Variants in CTU1 observed in about 807,000 individuals in gnomAD.
CTU1 encodes cytoplasmic tRNA 2-thiolation protein 1.
A neutral mutation model predicts 12.9 loss-of-function variants in CTU1; 15 were observed. The ratio of observed to expected loss-of-function variants is 1.16; its 90% CI spans 0.78 to 1.79. The LOEUF (loss-of-function observed/expected upper bound fraction) is 1.79, where lower values mean the gene tolerates loss of function less well. CTU1 is among the 40% of genes most tolerant of loss of function. The pLI is 0.00. For missense variants in CTU1, 553 were observed against 550.5 expected (o/e 1.00, Z -0.05); for synonymous variants, 295 against 275.6 (o/e 1.07, Z -0.70).
rs1020842210 is a variant in CTU1, at chr19:51,108,007, T to A, written c.-22+340A>T. Among the ~76,000 whole-genome samples, 2 of 151,964 alleles carry A rather than the reference T, an allele frequency of 1.3e-5. No homozygotes were observed. The highest frequency in any genetic ancestry group is 2.9e-5 in the Non-Finnish European group (2 of 68,018). ...ATCTGTAGGATGAGGGAATAATAAG[T>A]GCTCCCAGAAGAGAGGCCGCGGACC... On this transcript the variant is annotated intron_variant, in intron 1 of 2. Coordinates refer to ENST00000421832, the MANE Select transcript of CTU1 (RefSeq NM_145232.4). The surrounding 1 kb of genome is among the most constrained non-coding windows in gnomAD (Gnocchi z 4.5).
chr19:51,104,171 G>A lies in CTU1; in HGVS notation c.399C>T (p.Ser133=). 3 of 1,522,378 alleles carry A rather than the reference G, an allele frequency of 2.0e-6. No individual in the cohort carries two copies. Among genetic ancestry groups the A allele is most frequent in the Non-Finnish European group, 2.6e-6 (3 of 1,141,952 alleles). 94.3% of individuals were successfully genotyped at this position (1,522,378 alleles called of 1,614,324 possible). ...AGCGGCTGCGGCCGGAGCCGGCTGT[G>A]CTGCGGGCCACGGCGTCCATCGTCC... is the stretch of plus-strand genomic sequence containing the variant. ...GGWTMDAVAR[S]TAGSGRSRSC... is the part of the protein sequence containing the mutation. Residue 133 remains serine (S), a synonymous_variant, in exon 2 of 3, where the codon AGC becomes AGT. Transcript: ENST00000421832.
chr19:51,104,462 G>C lies in CTU1; in HGVS notation c.108C>G (p.Ala36=), dbSNP rs1380496512. The C allele has an allele frequency of 1.5e-6, 2 of 1,303,500 alleles. No individual in the cohort carries two copies. Among genetic ancestry groups the C allele is most frequent in the Admixed American group, 4.0e-5 (1 of 25,312 alleles). The allele number at this position is 1,303,500 out of a possible 1,614,324, so 80.7% of individuals were successfully genotyped here. ...CGGCGAGCACCGTGTGCAGCACCTC[G>C]GCCTCGAAGGCGGCGCAGAAGCAGG... ...CGACFCAAFE[A]EVLHTVLAGR... is the part of the protein sequence containing the mutation. Residue 36 remains alanine (A), a synonymous_variant, in exon 2 of 3, where the codon GCC becomes GCG. Coordinates refer to ENST00000421832, the MANE Select transcript of CTU1 (RefSeq NM_145232.4).
chr19:51,100,687 G>A (rs1411933881), intron 2 of CTU1, among the ~76,000 whole-genome samples: 1 of 152,128 alleles, frequency 6.6e-6, no homozygotes, highest in Non-Finnish European at 1.5e-5. Flanking sequence ...CAAGGAAATG[G>A]ACCCCCTTGC....
intron 1 of CTU1, among the ~76,000 whole-genome samples, chr19:51,105,718 C>G (rs1424347772): frequency 2.0e-5 from 3 of 152,330 alleles, no homozygotes; most frequent in South Asian, 4.1e-4. Flanking sequence ...TCTAACCCAG[C>G]GTGCTTCTCC....
chr19:51,100,725 C>T (rs1403332049), intron 2 of CTU1, among the ~76,000 whole-genome samples: 1 of 152,174 alleles, frequency 6.6e-6, no homozygotes, highest in Non-Finnish European at 1.5e-5. Flanking sequence ...AAAGGCAGCA[C>T]TCTTGACACT....
rs781417808 is a variant in CTU1 at position 51,099,029 on chromosome 19, G to A, written c.619C>T (p.Leu207=). 2.0e-6 allele frequency: 3 copies of A among 1,512,572 alleles called. No homozygotes were observed. Among genetic ancestry groups the A allele is most frequent in the East Asian group, 5.2e-5 (2 of 38,756 alleles). The allele number at this position is 1,512,572 out of a possible 1,614,324, so 93.7% of individuals were successfully genotyped here. A position where few individuals can be genotyped will look rare whatever the true frequency, so the allele number is the denominator to read the frequency against. ...GLGSPGEGGA[L]PRCRPLQFAS... Reference sequence around the variant, plus strand: ...AACTGCAGCGGGCGGCAGCGCGGCAGGGCGCCCCCCTCGCCGGGAGAGCCC... The same window carrying A: ...AACTGCAGCGGGCGGCAGCGCGGCAAGGCGCCCCCCTCGCCGGGAGAGCCC... Residue 207 remains leucine, a synonymous_variant, in exon 3 of 3, where the codon CTG becomes TTG. Transcript: ENST00000421832.
Position 51,098,499 on chromosome 19 carries a change from C to A in CTU1, c.*102G>T. 1 of 1,099,448 alleles carries A rather than the reference C, an allele frequency of 9.1e-7. No homozygotes were observed. The highest frequency in any genetic ancestry group is 1.1e-6 in the Non-Finnish European group (1 of 878,580). The allele number at this position is 1,099,448 out of a possible 1,614,324, so 68.1% of individuals were successfully genotyped here. On this transcript the variant is annotated 3_prime_UTR_variant, in exon 3 of 3. Coordinates refer to ENST00000421832, the MANE Select transcript of CTU1 (RefSeq NM_145232.4). This position sits in a 1 kb window ranked among gnomAD's most constrained non-coding sequence, Gnocchi z 4.3. ...GAATGGGCCCCCGTCTCCTTCCCAA[C>A]CCCACATGGAAGGCCAGGTAAGGTA...
chr19:51,104,923 G>A (rs1175653216), intron 1 of CTU1, among the ~76,000 whole-genome samples: 2 of 152,176 alleles, frequency 1.3e-5, no homozygotes, highest in Non-Finnish European at 2.9e-5. Context: ...GGATGGGGGT[G>A]TATATTAAGG....
chr19:51,104,692 C>G (rs1401996318), intron 1 of CTU1, 102 bp from the exon 2 acceptor site: 3 of 939,986 alleles, frequency 3.2e-6, no homozygotes, highest in African/African-American at 1.7e-5. Context: ...CCGGAATAGA[C>G]CAGGGAGACG....
At chr19:51,100,977 C>T (rs1350200667) in intron 2 of CTU1, among the ~76,000 whole-genome samples, 1 of 150,800 alleles carries the variant, frequency 6.6e-6, no homozygotes, top group Non-Finnish European at 1.5e-5. Context: ...CAGGGTCTCA[C>T]TTTAGTGCCC....
chr19:51,099,087 G>A lies in CTU1; in HGVS notation c.561C>T (p.Gly187=). 2 of 1,545,002 alleles carry A rather than the reference G, an allele frequency of 1.3e-6. No individual in the cohort carries two copies. Among genetic ancestry groups the A allele is most frequent in the Non-Finnish European group, 1.7e-6 (2 of 1,154,342 alleles). ...AETVLMNFLR[G]DAGRLARGGG... ...CGCCCCGGGCCAGCCGCCCCGCGTC[G>A]CCCCGTAGGAAGTTCATGAGCACGG... The change falls in exon 3 of 3, where the codon GGC becomes GGT. Residue 187 remains glycine (G), a synonymous_variant. Transcript: ENST00000421832.
chr19:51,106,650 C>T (rs942389429), intron 1 of CTU1, among the ~76,000 whole-genome samples: 1 of 150,954 alleles, frequency 6.6e-6, no homozygotes, highest in African/African-American at 2.4e-5. Flanking sequence ...GGACTACAGG[C>T]GTGTACCACC....
At position 51,098,795 on chromosome 19, in the gene CTU1, C is replaced by T. The variant is rs2091898460; in HGVS notation, c.853G>A (p.Gly285Ser). The T allele has an allele frequency of 1.6e-5, 17 of 1,044,952 alleles. No individual in the cohort carries two copies. Among genetic ancestry groups the T allele is most frequent in the Admixed American group, 5.7e-5 (1 of 17,672 alleles). The allele number at this position is 1,044,952 out of a possible 1,614,324, so 64.7% of individuals were successfully genotyped here. Residue 285 changes from glycine to serine, a missense_variant, in exon 3 of 3, where the codon GGC becomes AGC. Physicochemically the swap from Gly to Ser is moderately conservative, Grantham distance 56. Around this residue, in one of 2 missense-constraint regions of CTU1, gnomAD observed 500 missense variants for 458.5 expected, o/e 1.09. Coordinates refer to ENST00000421832, the MANE Select transcript of CTU1 (RefSeq NM_145232.4). The surrounding 1 kb of genome is among the most constrained non-coding windows in gnomAD (Gnocchi z 4.3). ...AGCGCCCCACAGCGGGAGCAGGCGC[C>T]GGGGCGCGGGGGCCGCGCGGCCGGG... ...LAPAARPPRP[G>S]ACSRCGALAS...
intron 1 of CTU1, among the ~76,000 whole-genome samples, chr19:51,105,384 T>A (rs887951964): frequency 6.6e-6 from 1 of 151,814 alleles, no homozygotes; most frequent in African/African-American, 2.4e-5. Flanking sequence ...ATCTTTGACC[T>A]TCATCTGTTA....
chr19:51,107,709 C>T (rs756977878), intron 1 of CTU1, among the ~76,000 whole-genome samples: 10 of 152,144 alleles, frequency 6.6e-5, no homozygotes, highest in Non-Finnish European at 1.5e-4. Context: ...CTGGCCTGAG[C>T]ATTGGAGGGA....
Position 51,098,976 on chromosome 19 carries a change from G to C in CTU1, c.672C>G (p.Tyr224Ter). The C allele has an allele frequency of 6.5e-7, 1 of 1,544,028 alleles. No individual in the cohort carries two copies. Among genetic ancestry groups the C allele is most frequent in the Non-Finnish European group, 8.7e-7 (1 of 1,151,068 alleles). Residue 224 changes from tyrosine (Y) to a stop codon, truncating the protein, a stop_gained, in exon 3 of 3, where the codon TAC becomes TAG. Coordinates refer to ENST00000421832, the MANE Select transcript of CTU1 (RefSeq NM_145232.4). LOFTEE classifies it high-confidence loss of function. This position sits in a 1 kb window ranked among gnomAD's most constrained non-coding sequence, Gnocchi z 4.3. ...AGTAGTCGAGGCGGCGGAAGTGCGC[G>C]TACAGCACCACCTCCTTCTGCGAGG... ...QFASQKEVVLYAHFRRLDYFS... is the reference protein window; with the variant it reads ...QFASQKEVVL
At chr19:51,102,628 C>T (rs2091909993) in intron 2 of CTU1, among the ~76,000 whole-genome samples, 1 of 152,218 alleles carries the variant, frequency 6.6e-6, no homozygotes, top group African/African-American at 2.4e-5. Context: ...ACCCAGGTTC[C>T]TCGCCATGGC....
chr19:51,099,044 C>A lies in CTU1; in HGVS notation c.604G>T (p.Gly202Cys), dbSNP rs767210453. ...CAGCGCGGCAGGGCGCCCCCCTCGC[C>A]GGGAGAGCCCAGGCCCCCGCCCCGG... ...LARGGGLGSP[G>C]EGGALPRCRP... Residue 202 changes from glycine to cysteine, a missense_variant, in exon 3 of 3, where the codon GGC becomes TGC. This residue lies in a region of CTU1 where 500 missense variants were observed against 458.5 expected (regional missense o/e 1.09). Coordinates refer to ENST00000421832, the MANE Select transcript of CTU1 (RefSeq NM_145232.4). The A allele has an allele frequency of 6.0e-6, 9 of 1,512,310 alleles. No homozygotes were observed. Among genetic ancestry groups the A allele is most frequent in the African/African-American group, 1.4e-5 (1 of 70,490 alleles). 93.7% of individuals were successfully genotyped at this position (1,512,310 alleles called of 1,614,324 possible).
chr19:51,106,507 A>C (rs535222702), intron 1 of CTU1, among the ~76,000 whole-genome samples: 2 of 151,716 alleles, frequency 1.3e-5, no homozygotes, highest in South Asian at 2.1e-4. Flanking sequence ...TTTTTAATTT[A>C]ATTTAATTTA....
Sources: gnomAD v4.1 joint callset for allele counts (sites outside exome capture counted in the v4.1 genomes callset) on GRCh38, gnomAD v4.1.1 for gene constraint, gnomAD v4.1.1 regional missense constraint, Gnocchi (gnomAD v3.1) non-coding constraint, MANE v1.5 for transcripts, NCBI Gene and HGNC (gene_info 2026-07-23, HGNC 2026-07-21) for gene names.